Variants in DLGAP4 observed in about 807,000 individuals in gnomAD.
DLGAP4 encodes the protein disks large-associated protein 4.
A neutral mutation model predicts 86.9 loss-of-function variants in DLGAP4; 18 were observed. The ratio of observed to expected loss-of-function variants is 0.21; its 90% CI spans 0.14 to 0.31. The LOEUF is 0.31. Ranked by LOEUF, DLGAP4 falls within the 10% of genes least tolerant of loss-of-function variation. The probability of loss-of-function intolerance (pLI) is 1.00; values close to 1 mark genes in which losing one functional copy is unlikely to be tolerated. For missense variants in DLGAP4, 1,085 were observed against 1,362.6 expected (o/e 0.80, Z 3.21); for synonymous variants, 548 against 574.3 (o/e 0.95, Z 0.65).
chr20:36,514,716 GTT>G (rs2036934211), intron 10 of DLGAP4, among the ~76,000 whole-genome samples: 1 of 151,966 alleles, frequency 6.6e-6, no homozygotes, highest in African/African-American at 2.4e-5. Flanking sequence ...GCCTGTCCTT[GTT>G]TTGTTTTTTT....
intron 1 of DLGAP4, among the ~76,000 whole-genome samples, chr20:36,339,225 C>T (rs1045884939): frequency 1.3e-5 from 2 of 151,894 alleles, no homozygotes; most frequent in African/African-American, 4.8e-5. Flanking sequence ...GTAGCTGGGA[C>T]TGAAGGTGCG....
chr20:36,380,119 G>C (rs2031317752), intron 2 of DLGAP4, among the ~76,000 whole-genome samples: 2 of 151,660 alleles, frequency 1.3e-5, no homozygotes, highest in Admixed American at 6.6e-5. Context: ...GGAGTTCAAG[G>C]ATACAGCAAG....
chr20:36,356,273 G>A (rs1466008797), intron 1 of DLGAP4, among the ~76,000 whole-genome samples: 1 of 152,162 alleles, frequency 6.6e-6, no homozygotes, highest in African/African-American at 2.4e-5. Context: ...TATCGTTAAA[G>A]CCAGCTTGAG....
In DLGAP4 at chr20:36,439,805, G is replaced by A. The variant is rs145596733; in HGVS notation, c.1293G>A (p.Pro431=). 1,428 of 1,613,840 alleles carry A rather than the reference G, an allele frequency of 8.8e-4. 9 individuals carry two copies. The African/African-American group carries it at 0.017, about 19-fold the overall frequency. ...SVDMLLPSKC[P]SWEEDYTPVS... is the part of the protein sequence containing the mutation. ...ACATGCTGCTGCCCTCCAAGTGTCC[G>A]AGCTGGGAAGAGGACTACACCCCCG... The change falls in exon 5 of 13, where the codon CCG becomes CCA. Residue 431 remains proline (P), a synonymous_variant. Coordinates refer to ENST00000339266, the MANE Select transcript of DLGAP4 (RefSeq NM_001365621.2).
intron 1 of DLGAP4, among the ~76,000 whole-genome samples, chr20:36,311,227 G>A (rs1380749761): frequency 1.4e-5 from 2 of 146,092 alleles, no homozygotes; most frequent in Admixed American, 1.3e-4. Context: ...AAGGTCACTC[G>A]GAGGGTGGGG....
intron 7 of DLGAP4, among the ~76,000 whole-genome samples, chr20:36,451,419 C>T (rs2033732734): frequency 1.3e-5 from 2 of 152,146 alleles, no homozygotes; most frequent in South Asian, 4.1e-4. Context: ...GGCGCGATCT[C>T]AGCTCACTGC....
chr20:36,450,264 G>A (rs1479258043), intron 7 of DLGAP4, among the ~76,000 whole-genome samples: 1 of 152,114 alleles, frequency 6.6e-6, no homozygotes, highest in Non-Finnish European at 1.5e-5. Context: ...TTGGGAGGCC[G>A]AGGCAGGTGG....
At chr20:36,448,899 G>A (rs957225144) in intron 7 of DLGAP4, among the ~76,000 whole-genome samples, 4 of 151,890 alleles carry the variant, frequency 2.6e-5, no homozygotes, top group Non-Finnish European at 4.4e-5. Flanking sequence ...GAGCCACTGC[G>A]CTCCAGCCTG....
chr20:36,364,236 TC>T (rs1341133483), intron 1 of DLGAP4, among the ~76,000 whole-genome samples: 1 of 151,812 alleles, frequency 6.6e-6, no homozygotes, highest in Non-Finnish European at 1.5e-5. Context: ...CATAATGAGA[TC>T]CCCATCTCTA....
chr20:36,369,103 C>T (rs1366220666), intron 2 of DLGAP4, among the ~76,000 whole-genome samples: 2 of 152,094 alleles, frequency 1.3e-5, no homozygotes, highest in East Asian at 1.9e-4. Flanking sequence ...CGGGCGGCAG[C>T]GAGGGAGGTG....
rs543510218 is a variant in DLGAP4, at chr20:36,436,055, G to A, written c.1000-54G>A. 4 of 1,492,112 alleles carry A rather than the reference G, an allele frequency of 2.7e-6. No individual in the cohort carries two copies. The African/African-American group carries it at 4.2e-5, about 16-fold the overall frequency. The allele number at this position is 1,492,112 out of a possible 1,614,324, so 92.4% of individuals were successfully genotyped here. ...TCAGGTCCCGGAGATGGGGGTTCTC[G>A]CCATCTGCTCATTTTCTGCGGTGGC... On this transcript the variant is annotated intron_variant, in intron 3 of 12. Coordinates refer to ENST00000339266, the MANE Select transcript of DLGAP4 (RefSeq NM_001365621.2).
intron 7 of DLGAP4, among the ~76,000 whole-genome samples, chr20:36,487,520 A>G (rs1398351099): frequency 1.3e-5 from 2 of 152,042 alleles, no homozygotes; most frequent in South Asian, 2.1e-4. Flanking sequence ...CTCAATCCCT[A>G]TCCTCCCTCC....
intron 2 of DLGAP4, among the ~76,000 whole-genome samples, chr20:36,418,545 C>T (rs1305168369): frequency 2.6e-5 from 4 of 152,260 alleles, no homozygotes; most frequent in East Asian, 3.9e-4. Context: ...ATGAGTGCTG[C>T]GTATGGAGCC....
intron 5 of DLGAP4, among the ~76,000 whole-genome samples, chr20:36,442,334 A>T (rs997069239): frequency 5.9e-5 from 9 of 152,208 alleles, no homozygotes; most frequent in African/African-American, 1.7e-4. Context: ...AGCTGGGATT[A>T]TAGGCATGTG....
chr20:36,363,325 T>C (rs571961583), intron 1 of DLGAP4, among the ~76,000 whole-genome samples: 1 of 152,260 alleles, frequency 6.6e-6, no homozygotes, highest in African/African-American at 2.4e-5. Flanking sequence ...AGTGAGGCCA[T>C]GGGGAGTGTG....
At position 36,432,063 on chromosome 20, in the gene DLGAP4, C is replaced by A; in HGVS notation, c.346C>A (p.Arg116Ser). 6.2e-7 allele frequency: 1 copy of A among 1,614,170 alleles called. No homozygotes were observed. Among genetic ancestry groups the A allele is most frequent in the Non-Finnish European group, 8.5e-7 (1 of 1,180,046 alleles). The change falls in exon 3 of 13, where the codon CGT becomes AGT. Residue 116 changes from arginine to serine, a missense_variant. Physicochemically the swap from Arg to Ser is moderately radical, Grantham distance 110 (BLOSUM62 -1). This residue lies in a region of DLGAP4 where 1,082 missense variants were observed against 1,344.1 expected (regional missense o/e 0.81). Coordinates refer to ENST00000339266, the MANE Select transcript of DLGAP4 (RefSeq NM_001365621.2). The surrounding 1 kb of genome is among the most constrained non-coding windows in gnomAD (Gnocchi z 6.5). ...GTTTGAGAAGCAGCTGCCCATCCAC[C>A]GTGATGGCTTCAGCACCCTCCAATT... ...DQFEKQLPIH[R>S]DGFSTLQFPR...
chr20:36,519,622 G>A (rs2037252720), intron 10 of DLGAP4, among the ~76,000 whole-genome samples: 4 of 152,140 alleles, frequency 2.6e-5, no homozygotes, highest in Admixed American at 2.6e-4. Flanking sequence ...AGTGGAATTG[G>A]TTGATCATGT....
intron 10 of DLGAP4, among the ~76,000 whole-genome samples, chr20:36,513,725 G>A (rs2036868577): frequency 6.6e-6 from 1 of 152,134 alleles, no homozygotes; most frequent in South Asian, 2.1e-4. Context: ...GATATATCTT[G>A]AAGATAGAAC....
At chr20:36,370,685 T>A (rs1483637378) in intron 2 of DLGAP4, among the ~76,000 whole-genome samples, 1 of 151,388 alleles carries the variant, frequency 6.6e-6, no homozygotes, top group Non-Finnish European at 1.5e-5. Context: ...CCAGGCATGG[T>A]GATATGTGCC....
Sources: allele counts gnomAD v4.1 joint callset (sites outside exome capture counted in the v4.1 genomes callset), GRCh38; gene constraint gnomAD v4.1.1; regional missense constraint gnomAD v4.1.1; non-coding constraint Gnocchi (gnomAD v3.1); transcripts MANE v1.5; gene names NCBI Gene and HGNC (gene_info 2026-07-23, HGNC 2026-07-21).